Variants in TRHDE observed in about 807,000 individuals in gnomAD.
TRHDE encodes thyrotropin releasing hormone degrading enzyme.
TRHDE carries 72 observed loss-of-function variants against 125.7 expected under a neutral mutation model. That is an observed-to-expected ratio of 0.57 (90% CI 0.47 to 0.70). TRHDE has a LOEUF of 0.70. TRHDE is among the 30% of genes least tolerant of loss of function. The probability of loss-of-function intolerance (pLI) is 0.00; values close to 1 mark genes in which losing one functional copy is unlikely to be tolerated. For missense variants in TRHDE, 1,110 were observed against 1,327.1 expected (o/e 0.84, Z 2.54); for synonymous variants, 509 against 509.1 (o/e 1.00, Z 0.00).
At chr12:72,206,890 T>C (rs1016335052) in intron 2 of TRHDE, among the ~76,000 whole-genome samples, 2 of 152,012 alleles carry the variant, frequency 1.3e-5, no homozygotes, top group African/African-American at 4.8e-5. Flanking sequence ...ATTTTGCATA[T>C]GATGAATTGA....
Position 72,418,088 on chromosome 12 carries a change from A to G in TRHDE, c.1315+39967A>G, listed in dbSNP as rs1873804810. 2.0e-5 allele frequency among the ~76,000 whole-genome samples: 3 copies of G among 152,052 alleles called. No homozygotes were observed. The South Asian group carries it at 6.2e-4, about 31-fold the overall frequency. On this transcript the variant is annotated intron_variant, in intron 3 of 18. Transcript: ENST00000261180. ...AATTCCTACTTTATTAATTCTTGCT[A>G]TCAAAAATAACCAGCAGAGAGTTTG...
intron 2 of TRHDE, among the ~76,000 whole-genome samples, chr12:72,300,560 G>A (rs1336994500): frequency 6.6e-6 from 1 of 150,984 alleles, no homozygotes; most frequent in Non-Finnish European, 1.5e-5. Flanking sequence ...TGGCATATAT[G>A]TGTGTGTGTG....
intron 3 of TRHDE, among the ~76,000 whole-genome samples, chr12:72,417,810 T>G (rs1206195783): frequency 1.3e-5 from 2 of 152,042 alleles, no homozygotes; most frequent in African/African-American, 2.4e-5. Context: ...TAGGTTTTAT[T>G]TTTTTAAGTT....
chr12:72,416,015 T>G (rs1460929707), intron 3 of TRHDE, among the ~76,000 whole-genome samples: 1 of 152,122 alleles, frequency 6.6e-6, no homozygotes, highest in Non-Finnish European at 1.5e-5. Context: ...GTATGAAGAT[T>G]CCCCTTTCTC....
chr12:72,169,139 C>CTTT (rs79350221), intron 2 of TRHDE, among the ~76,000 whole-genome samples: 1 of 140,540 alleles, frequency 7.1e-6, no homozygotes. Context: ...ATGAAACAGA[C>CTTT]TTTTTTTTTT....
intron 2 of TRHDE, among the ~76,000 whole-genome samples, chr12:72,166,800 G>A (rs1426699500): frequency 6.6e-6 from 1 of 152,044 alleles, no homozygotes; most frequent in Admixed American, 6.6e-5. Flanking sequence ...TGCTCAGGGG[G>A]GTTAATGAAA....
rs1879362663 is a variant in TRHDE, at chr12:72,273,741, G to T, written c.914+184G>T. The T allele has an allele frequency of 3.5e-6, 2 of 574,374 alleles. No homozygotes were observed. Among genetic ancestry groups the T allele is most frequent in the Admixed American group, 3.0e-5 (1 of 33,346 alleles). The allele number at this position is 574,374 out of a possible 1,614,324, so 35.6% of individuals were successfully genotyped here. On this transcript the variant is annotated intron_variant, in intron 1 of 18. Transcript: ENST00000261180. This position sits in a 1 kb window ranked among gnomAD's most constrained non-coding sequence, Gnocchi z 5.3. ...GGTCTCCCAGATGCCTCGGGGTCTC[G>T]CTGCCGCCAACTTCGCAAACTGACT...
intron 2 of TRHDE, among the ~76,000 whole-genome samples, chr12:72,215,424 C>T (rs1293543965): frequency 2.6e-5 from 4 of 152,148 alleles, no homozygotes; most frequent in African/African-American, 7.2e-5. Context: ...ACAGGGGATG[C>T]GATGGCTTGG....
At chr12:72,355,613 C>T (rs1177961882) in intron 2 of TRHDE, among the ~76,000 whole-genome samples, 1 of 151,812 alleles carries the variant, frequency 6.6e-6, no homozygotes, top group Non-Finnish European at 1.5e-5. Context: ...ACATAGTAAA[C>T]AGACAACCTA....
chr12:72,254,414 C>T (rs1260222690), intron 2 of TRHDE: 1 of 152,080 alleles, frequency 6.6e-6, no homozygotes, highest in Non-Finnish European at 1.5e-5. Context: ...CACACACATG[C>T]AAAAATTGGC....
intron 15 of TRHDE, among the ~76,000 whole-genome samples, chr12:72,643,492 G>A (rs1874153626): frequency 6.6e-6 from 1 of 152,124 alleles, no homozygotes; most frequent in South Asian, 2.1e-4. Context: ...TATAGAACCT[G>A]CCCTTGTTCT....
At chr12:72,607,111 T>TA (rs1157398785) in intron 12 of TRHDE, among the ~76,000 whole-genome samples, 2 of 152,020 alleles carry the variant, frequency 1.3e-5, no homozygotes, top group African/African-American at 2.4e-5. Context: ...TCATTTTAAT[T>TA]AAAAAAAATT....
At chr12:72,625,114 ATC>A (rs1456446969) in intron 15 of TRHDE, among the ~76,000 whole-genome samples, 3 of 151,894 alleles carry the variant, frequency 2.0e-5, no homozygotes, top group South Asian at 2.1e-4. Context: ...GTTATTTAAA[ATC>A]TCTTTGTTAA....
At chr12:72,175,632 T>C (rs141095481) in intron 2 of TRHDE, among the ~76,000 whole-genome samples, 482 of 152,318 alleles carry the variant, frequency 3.2e-3, no homozygotes, top group Non-Finnish European at 5.2e-3. Flanking sequence ...ACCTTTTTGC[T>C]TAAAGTTGGG....
intron 2 of TRHDE, among the ~76,000 whole-genome samples, chr12:72,332,239 C>T (rs923641733): frequency 6.6e-6 from 1 of 152,078 alleles, no homozygotes; most frequent in Non-Finnish European, 1.5e-5. Flanking sequence ...CCCGGGTTCA[C>T]GCCATTCTCC....
At chr12:72,405,635 C>G (rs1873234477) in intron 3 of TRHDE, among the ~76,000 whole-genome samples, 1 of 152,172 alleles carries the variant, frequency 6.6e-6, no homozygotes, top group Admixed American at 6.5e-5. Context: ...AAATTAAAAG[C>G]AAACAGAAAA....
chr12:72,645,624 A>G (rs897699189), intron 15 of TRHDE, among the ~76,000 whole-genome samples: 5 of 152,134 alleles, frequency 3.3e-5, no homozygotes, highest in African/African-American at 1.2e-4. Flanking sequence ...CAAAAAACCC[A>G]AACACCCCAA....
chr12:72,469,591 T>C (rs889292212), intron 3 of TRHDE, among the ~76,000 whole-genome samples, 167 bp from the exon 4 acceptor site: 1 of 152,204 alleles, frequency 6.6e-6, no homozygotes, highest in African/African-American at 2.4e-5. Flanking sequence ...TGATAGCCTA[T>C]ATTTCTGCTG....
Position 72,562,701 on chromosome 12 carries a change from A to G in TRHDE, c.1855-152A>G, listed in dbSNP as rs541661713. On this transcript the variant is annotated intron_variant, in intron 8 of 18. Transcript: ENST00000261180. ...ATGAAGCTTAACTTAGGGCAAGAAG[A>G]TTAATTTCACTAACACATTATATTG... 615 of 499,322 alleles carry G rather than the reference A, an allele frequency of 1.2e-3. 11 individuals are homozygous for G. In the East Asian group the frequency reaches 0.021, roughly 17 times the overall value. The allele number at this position is 499,322 out of a possible 1,614,324, so 30.9% of individuals were successfully genotyped here.
Sources: allele counts gnomAD v4.1 joint callset (sites outside exome capture counted in the v4.1 genomes callset), GRCh38; gene constraint gnomAD v4.1.1; non-coding constraint Gnocchi (gnomAD v3.1); transcripts MANE v1.5; gene names NCBI Gene and HGNC (gene_info 2026-07-23, HGNC 2026-07-21).